The following PDE1C variants were observed in gnomAD, a reference collection of about 807,000 sequenced individuals.
PDE1C encodes the protein dual specificity calcium/calmodulin-dependent 3',5'-cyclic nucleotide phosphodiesterase 1C.
A neutral mutation model predicts 93.1 loss-of-function variants in PDE1C; 62 were observed. The observed-to-expected ratio is 0.67, with a 90% confidence interval of 0.54 to 0.82. The LOEUF is 0.82. Ranked by LOEUF, PDE1C falls within the 40% of genes least tolerant of loss-of-function variation. The probability of loss-of-function intolerance (pLI) is 0.00; values close to 1 mark genes in which losing one functional copy is unlikely to be tolerated. For synonymous variants in PDE1C, 325 were observed against 310.1 expected, an observed-to-expected ratio of 1.05 and a Z score of -0.50; for missense variants, 742 against 884.6, an observed-to-expected ratio of 0.84 and a Z score of 2.04.
At chr7:31,871,027 AACAGACAC>A (rs1795884765) in intron 6 of PDE1C, among the ~76,000 whole-genome samples, 2 of 151,730 alleles carry the variant, frequency 1.3e-5, no homozygotes, top group African/African-American at 4.8e-5. Flanking sequence ...TTAGTATAAA[AACAGACAC>A]ACAGTCCAAT....
upstream of PDE1C, among the ~76,000 whole-genome samples, chr7:32,303,620 GA>G (rs1316931117): frequency 1.3e-5 from 2 of 152,130 alleles, no homozygotes; most frequent in African/African-American, 4.8e-5. Context: ...GAATGGCAGA[GA>G]TAATCTAATT....
At chr7:31,823,991 C>A (rs1789329059) in intron 13 of PDE1C, among the ~76,000 whole-genome samples, 2 of 152,182 alleles carry the variant, frequency 1.3e-5, no homozygotes, top group African/African-American at 4.8e-5. Context: ...GGGACTCTGG[C>A]AGGGGGCTCT....
At chr7:31,875,887 T>C (rs910107056) in intron 5 of PDE1C, among the ~76,000 whole-genome samples, 18 of 143,346 alleles carry the variant, frequency 1.3e-4, no homozygotes, top group African/African-American at 4.4e-4. Context: ...TAGAGACTGA[T>C]TCATTACTAT....
In PDE1C at chr7:31,823,189, T is replaced by G; in HGVS notation, c.1466A>C (p.Glu489Ala). ...KRSGVKTSGSEGSAPINNSVI... is the reference protein window; with the variant it reads ...KRSGVKTSGSAGSAPINNSVI... Reference sequence around the variant, plus strand: ...AGAATTGTTGATCGGGGCACTTCCCTCTGAACCAGAGGTCTTGACACCTGA... The same window carrying G: ...AGAATTGTTGATCGGGGCACTTCCCGCTGAACCAGAGGTCTTGACACCTGA... The change falls in exon 14 of 18, where the codon GAG (glutamate) becomes GCG (alanine). Residue 489 changes from glutamate to alanine, a missense_variant. Around this residue, in one of 4 missense-constraint regions of PDE1C, gnomAD observed 454 missense variants for 459.4 expected, o/e 0.99. Coordinates refer to ENST00000396191, the MANE Select transcript of PDE1C (RefSeq NM_001191057.4). 6.2e-7 allele frequency: 1 copy of G among 1,613,312 alleles called. No individual in the cohort carries two copies. The highest frequency in any genetic ancestry group is 8.5e-7 in the Non-Finnish European group (1 of 1,179,546).
intron 2 of PDE1C, among the ~76,000 whole-genome samples, chr7:31,958,521 T>C (rs1057246465): frequency 6.6e-6 from 1 of 152,224 alleles, no homozygotes; most frequent in Admixed American, 6.5e-5. Flanking sequence ...TTATCTGTCT[T>C]GTAATTTCCA....
At chr7:32,125,081 A>T (rs2128767069) in intron 3 of PDE1C, among the ~76,000 whole-genome samples, 1 of 152,354 alleles carries the variant, frequency 6.6e-6, no homozygotes, top group African/African-American at 2.4e-5. Flanking sequence ...ACTTTGCAAA[A>T]GAAGACATTT....
chr7:32,048,708 T>G (rs1043721145), intron 2 of PDE1C, among the ~76,000 whole-genome samples: 1 of 152,140 alleles, frequency 6.6e-6, no homozygotes, highest in African/African-American at 2.4e-5. Flanking sequence ...TAAAAGTTAT[T>G]TTAAGCCACT....
chr7:32,105,767 C>T (rs1379580812), intron 3 of PDE1C, among the ~76,000 whole-genome samples: 2 of 151,340 alleles, frequency 1.3e-5, no homozygotes, highest in African/African-American at 4.9e-5. Flanking sequence ...CTCAAGCAAT[C>T]CTCCTGCCTT....
chr7:31,715,932 C>T, the PDE1C span, among the ~76,000 whole-genome samples: 1 of 152,154 alleles, frequency 6.6e-6, no homozygotes, highest in Non-Finnish European at 1.5e-5. Context: ...CCCTTGCCTA[C>T]TTGTGCATAG....
At chr7:32,169,738 T>G (rs1290599957) in intron 3 of PDE1C, 2 of 1,559,650 alleles carry the variant, frequency 1.3e-6, no homozygotes, top group African/African-American at 2.7e-5. Context: ...TTGAAACAAC[T>G]CCACAAGCAA....
At chr7:31,808,390 G>T in intron 16 of PDE1C, 1 of 239,506 alleles carries the variant, frequency 4.2e-6, no homozygotes, top group South Asian at 5.2e-5. Context: ...GGCCAGGGCA[G>T]GTGTTTCAAT....
intron 2 of PDE1C, among the ~76,000 whole-genome samples, chr7:32,031,231 T>C (rs1320148272): frequency 6.6e-6 from 1 of 152,216 alleles, no homozygotes; most frequent in Admixed American, 6.5e-5. Flanking sequence ...CTAACACATG[T>C]TCATTTTATA....
intron 1 of PDE1C, among the ~76,000 whole-genome samples, chr7:32,310,513 C>G (rs1782997567): frequency 6.6e-6 from 1 of 152,162 alleles, no homozygotes; most frequent in Non-Finnish European, 1.5e-5. Flanking sequence ...TAAAGCTCTC[C>G]TCAGCAAATG....
intron 2 of PDE1C, among the ~76,000 whole-genome samples, chr7:31,999,450 A>G (rs1785171376): frequency 6.6e-6 from 1 of 152,174 alleles, no homozygotes; most frequent in Non-Finnish European, 1.5e-5. Context: ...AGGGCAGGGG[A>G]ACTGTGCAAA....
At chr7:32,399,676 G>T (rs1364021733) in intron 1 of PDE1C, among the ~76,000 whole-genome samples, 1 of 146,926 alleles carries the variant, frequency 6.8e-6, no homozygotes, top group Non-Finnish European at 1.5e-5. Flanking sequence ...TCTGCCTCCT[G>T]TGTTCAAATG....
intron 2 of PDE1C, among the ~76,000 whole-genome samples, chr7:31,896,552 A>G (rs112161540): frequency 0.036 from 5,411 of 152,268 alleles, 307 homozygotes; most frequent in African/African-American, 0.12. Flanking sequence ...GCAGCCAGTC[A>G]GCAGGCACTG....
chr7:31,989,717 T>C (rs933806567), intron 2 of PDE1C, among the ~76,000 whole-genome samples: 2 of 152,200 alleles, frequency 1.3e-5, no homozygotes, highest in Non-Finnish European at 2.9e-5. Flanking sequence ...TGGTTAACTG[T>C]CTTTTGCTCT....
chr7:32,177,427 G>T (rs1392072142), intron 2 of PDE1C, among the ~76,000 whole-genome samples: 1 of 152,106 alleles, frequency 6.6e-6, no homozygotes, highest in Non-Finnish European at 1.5e-5. Context: ...AGACATGCCT[G>T]GTTCCAGGCA....
At chr7:31,643,929 C>T in the PDE1C span, 3 of 1,612,904 alleles carry the variant, frequency 1.9e-6, no homozygotes, top group Admixed American at 1.7e-5. Flanking sequence ...CCCTTCAGGA[C>T]ACTACAGTGA....
Sources: gnomAD v4.1 joint callset for allele counts (sites outside exome capture counted in the v4.1 genomes callset) on GRCh38, gnomAD v4.1.1 for gene constraint, gnomAD v4.1.1 regional missense constraint, MANE v1.5 for transcripts, NCBI Gene and HGNC (gene_info 2026-07-23, HGNC 2026-07-21) for gene names.